The following BROX variants were observed in gnomAD, a reference collection of about 807,000 sequenced individuals.
BROX encodes the protein BRO1 domain and CAAX motif containing.
BROX carries 53 observed loss-of-function variants against 61.0 expected under a neutral mutation model. That is an observed-to-expected ratio of 0.87 (90% CI 0.70 to 1.09). BROX has a LOEUF of 1.09. Among genes scored for constraint, BROX ranks in the 50% least tolerant of loss-of-function variants. BROX has a pLI of 0.00. For synonymous variants in BROX, 152 were observed against 160.2 expected, an observed-to-expected ratio of 0.95 and a Z score of 0.38; for missense variants, 489 against 472.0, an observed-to-expected ratio of 1.04 and a Z score of -0.33.
At chr1:222,725,214 A>G (rs1657411717) in intron 6 of BROX, among the ~76,000 whole-genome samples, 1 of 152,228 alleles carries the variant, frequency 6.6e-6, no homozygotes, top group African/African-American at 2.4e-5. Context: ...GCAGTCTATC[A>G]TGACTTAAAT....
At position 222,719,141 on chromosome 1, in the gene BROX, T is replaced by C. The variant is rs1656869333; in HGVS notation, c.208+110T>C. The stretch of plus-strand genomic sequence containing the variant: ...GTTTACTCTTCCAGACTGTATTCTT[T>C]GGAAAAGAGCAAGAAGTTTCATTCA... On this transcript the variant is annotated intron_variant, in intron 3 of 12. Coordinates refer to ENST00000340934, the MANE Select transcript of BROX (RefSeq NM_144695.4). The C allele has an allele frequency of 2.3e-6, 3 of 1,280,162 alleles. No individual in the cohort carries two copies. The South Asian group carries it at 4.0e-5, about 17-fold the overall frequency. 79.3% of individuals were successfully genotyped at this position (1,280,162 alleles called of 1,614,324 possible).
At chr1:222,724,618 A>G (rs927052832) in intron 6 of BROX, among the ~76,000 whole-genome samples, 1 of 152,184 alleles carries the variant, frequency 6.6e-6, no homozygotes, top group Non-Finnish European at 1.5e-5. Flanking sequence ...AGGAGATGTG[A>G]TGGGAATTAG....
chr1:222,731,748 C>CT (rs963326011), intron 12 of BROX, among the ~76,000 whole-genome samples: 4 of 152,190 alleles, frequency 2.6e-5, no homozygotes, highest in African/African-American at 7.2e-5. Flanking sequence ...AACACATTAT[C>CT]TTGCCTCTTT....
At chr1:222,731,137 C>T (rs1037445252) in intron 11 of BROX, among the ~76,000 whole-genome samples, 1 of 152,180 alleles carries the variant, frequency 6.6e-6, no homozygotes, top group African/African-American at 2.4e-5. Flanking sequence ...TGGGTTAATT[C>T]CCCTTGTCTG....
At chr1:222,723,706 G>A (rs1032382724) in intron 5 of BROX, among the ~76,000 whole-genome samples, 1 of 152,084 alleles carries the variant, frequency 6.6e-6, no homozygotes, top group African/African-American at 2.4e-5. Flanking sequence ...ATGGAGTGCC[G>A]CTCTGTCGCC....
intron 2 of BROX, among the ~76,000 whole-genome samples, chr1:222,718,610 G>A (rs1418714489): frequency 7.4e-6 from 1 of 134,518 alleles, no homozygotes; most frequent in Non-Finnish European, 1.6e-5. Flanking sequence ...ATTAAAACTT[G>A]ACATATATTT....
At chr1:222,722,608 T>C (rs1447537909) in intron 5 of BROX, 94 bp downstream of exon 5, 2 of 876,366 alleles carry the variant, frequency 2.3e-6, no homozygotes, top group African/African-American at 1.7e-5. Context: ...AAGTACCACT[T>C]TGGATGTTTG....
rs954575867 is a variant in BROX, at chr1:222,733,407, A to G, written c.*693A>G. 2 of 152,160 alleles carry G rather than the reference A, an allele frequency of 1.3e-5. No homozygotes were observed. Among genetic ancestry groups the G allele is most frequent in the Non-Finnish European group, 2.9e-5 (2 of 68,044 alleles). The allele number at this position is 152,160 out of a possible 1,614,324, so 9.4% of individuals were successfully genotyped here. A position where few individuals can be genotyped will look rare whatever the true frequency, so the allele number is the denominator to read the frequency against. ...CAGGTATGTTTTTCTATCTACACAC[A>G]AAAAGTTTATTTTCCTTCCTCTTAT... On this transcript the variant is annotated 3_prime_UTR_variant, in exon 13 of 13. Transcript: ENST00000340934.
intron 9 of BROX, 47 bp downstream of exon 9, chr1:222,728,875 G>T (rs1353529947): frequency 1.4e-6 from 2 of 1,395,560 alleles, no homozygotes; most frequent in Non-Finnish European, 2.0e-6. Flanking sequence ...TGTTTCTCCA[G>T]CCCTTGGAGT....
Position 222,732,996 on chromosome 1 carries a change from T to C in BROX, c.*282T>C. ...GGTCTTTTTGTTAAACTCTGGATAG[T>C]AATAAGTTTCAGGTCAGTATAGGCC... On this transcript the variant is annotated 3_prime_UTR_variant, in exon 13 of 13. Transcript: ENST00000340934. 1 of 313,368 alleles carries C rather than the reference T, an allele frequency of 3.2e-6. No individual in the cohort carries two copies. The highest frequency in any genetic ancestry group is 5.8e-6 in the Non-Finnish European group (1 of 172,010). 19.4% of individuals were successfully genotyped at this position (313,368 alleles called of 1,614,324 possible).
At chr1:222,732,313 ATTAAC>A (rs1337081492) in intron 12 of BROX, among the ~76,000 whole-genome samples, 1 of 152,174 alleles carries the variant, frequency 6.6e-6, no homozygotes, top group Non-Finnish European at 1.5e-5. Context: ...TGCTGCACCC[ATTAAC>A]TTGTCATTTA....
Position 222,712,879 on chromosome 1 carries a change from G to T in BROX, c.-80G>T. ...CTCCGACTCCCTCTTTTTCTCGCTTGTGGACTCCGATATATTGCCCTTCTT... is the reference window on the plus strand; with the variant it reads ...CTCCGACTCCCTCTTTTTCTCGCTTTTGGACTCCGATATATTGCCCTTCTT... On this transcript the variant is annotated 5_prime_UTR_variant, in exon 1 of 13. Transcript: ENST00000340934. The T allele has an allele frequency of 1.6e-6, 2 of 1,264,270 alleles. No homozygotes were observed. Among genetic ancestry groups the T allele is most frequent in the South Asian group, 2.6e-5 (2 of 78,144 alleles). The allele number at this position is 1,264,270 out of a possible 1,614,324, so 78.3% of individuals were successfully genotyped here. A position where few individuals can be genotyped will look rare whatever the true frequency, so the allele number is the denominator to read the frequency against.
At chr1:222,713,304 G>A in intron 1 of BROX, 1 of 985,922 alleles carries the variant, frequency 1.0e-6, no homozygotes, top group South Asian at 4.6e-5. Context: ...GAACTCAAGT[G>A]TTGGCGCGTG....
intron 7 of BROX, among the ~76,000 whole-genome samples, chr1:222,725,787 G>A (rs991317616): frequency 1.3e-5 from 2 of 152,100 alleles, no homozygotes; most frequent in Non-Finnish European, 2.9e-5. Context: ...GCACATTCCT[G>A]TAGTCCCAGC....
chr1:222,727,873 T>C (rs1239696748), intron 8 of BROX, among the ~76,000 whole-genome samples: 1 of 152,096 alleles, frequency 6.6e-6, no homozygotes, highest in Non-Finnish European at 1.5e-5. Flanking sequence ...TATTGTGAAG[T>C]GTAAATAAAA....
intron 8 of BROX, among the ~76,000 whole-genome samples, chr1:222,728,106 C>T (rs1256363494): frequency 1.3e-5 from 2 of 152,052 alleles, no homozygotes; most frequent in African/African-American, 4.8e-5. Flanking sequence ...AAAAGCCTGA[C>T]TTGATTGGAT....
rs760424739 is a variant in BROX at position 222,731,509 on chromosome 1, A to G, written c.1142A>G (p.Asp381Gly). ...TTTGATCTCACCAAAAGACCCAAGGATGACAGTGTATGAGATTGTTTTTTT... is the reference window on the plus strand; with the variant it reads ...TTTGATCTCACCAAAAGACCCAAGGGTGACAGTGTATGAGATTGTTTTTTT... ...AAFDLTKRPK[D>G]DSTKPKPEEE... is the part of the protein sequence containing the mutation. Residue 381 changes from aspartate (D) to glycine (G), a missense_variant, in exon 12 of 13, where the codon GAT (aspartate) becomes GGT (glycine). Physicochemically the swap from Asp to Gly is moderately conservative, Grantham distance 94. Coordinates refer to ENST00000340934, the MANE Select transcript of BROX (RefSeq NM_144695.4). The G allele has an allele frequency of 6.2e-5, 98 of 1,583,018 alleles. No homozygotes were observed. Among genetic ancestry groups the G allele is most frequent in the Non-Finnish European group, 7.8e-5 (92 of 1,172,044 alleles).
In BROX at chr1:222,732,969, T is replaced by A. The variant is rs1658049683; in HGVS notation, c.*255T>A. On this transcript the variant is annotated 3_prime_UTR_variant, in exon 13 of 13. Transcript: ENST00000340934. ...GCCTCTAAAGGGTATATTTGGGGGT[T>A]GGGTCTTTTTGTTAAACTCTGGATA... 1 of 391,266 alleles carries A rather than the reference T, an allele frequency of 2.6e-6. No homozygotes were observed. Among genetic ancestry groups the A allele is most frequent in the East Asian group, 4.7e-5 (1 of 21,272 alleles). The allele number at this position is 391,266 out of a possible 1,614,324, so 24.2% of individuals were successfully genotyped here. A position where few individuals can be genotyped will look rare whatever the true frequency, so the allele number is the denominator to read the frequency against.
intron 1 of BROX, 77 bp from the exon 2 acceptor site, chr1:222,715,607 A>C: frequency 1.7e-6 from 1 of 595,962 alleles, no homozygotes; most frequent in South Asian, 5.4e-5. Flanking sequence ...TATTGAAATA[A>C]ATTGTTATGC....
Sources: gnomAD v4.1 joint callset for allele counts (sites outside exome capture counted in the v4.1 genomes callset) on GRCh38, gnomAD v4.1.1 for gene constraint, MANE v1.5 for transcripts, NCBI Gene and HGNC (gene_info 2026-07-23, HGNC 2026-07-21) for gene names.